The following VAC14 variants were observed in gnomAD, a reference collection of about 807,000 sequenced individuals.
VAC14 encodes protein VAC14 homolog.
Under a neutral mutation model 85.3 loss-of-function variants are expected in VAC14, and 47 were observed. The ratio of observed to expected loss-of-function variants is 0.55; its 90% CI spans 0.44 to 0.70. The LOEUF (loss-of-function observed/expected upper bound fraction) is 0.70, where lower values mean the gene tolerates loss of function less well. VAC14 is among the 30% of genes least tolerant of loss of function. The pLI is 0.00. For synonymous variants in VAC14, 447 were observed against 430.5 expected (o/e 1.04, Z -0.47); for missense variants, 861 against 1,004.3 (o/e 0.86, Z 1.93).
intron 12 of VAC14, among the ~76,000 whole-genome samples, chr16:70,752,725 C>A (rs538088043): frequency 9.2e-5 from 14 of 152,360 alleles, no homozygotes; most frequent in African/African-American, 3.1e-4. Context: ...ACCCCATAGG[C>A]CTCGCTTCCA....
intron 14 of VAC14, among the ~76,000 whole-genome samples, chr16:70,729,465 C>G (rs1486152929): frequency 6.6e-6 from 1 of 152,174 alleles, no homozygotes; most frequent in East Asian, 1.9e-4. Context: ...CTCAACTCCA[C>G]CTCAGCTCCT....
intron 12 of VAC14, among the ~76,000 whole-genome samples, chr16:70,749,599 T>C (rs535569470): frequency 1.4e-4 from 21 of 152,270 alleles, no homozygotes; most frequent in African/African-American, 5.1e-4. Context: ...CTCCAGCACT[T>C]TAAATAAAGC....
chr16:70,781,761 G>T, intron 8 of VAC14, 108 bp downstream of exon 8: 1 of 1,444,990 alleles, frequency 6.9e-7, no homozygotes, highest in Non-Finnish European at 9.4e-7. Flanking sequence ...AGGGACTATG[G>T]AAGTGTGATG....
At chr16:70,752,513 G>A (rs1281211225) in intron 12 of VAC14, among the ~76,000 whole-genome samples, 2 of 152,240 alleles carry the variant, frequency 1.3e-5, no homozygotes, top group African/African-American at 2.4e-5. Context: ...TCCATGAGCT[G>A]GGCAGGGAAC....
intron 1 of VAC14, among the ~76,000 whole-genome samples, chr16:70,798,995 T>C (rs1162535182): frequency 6.6e-6 from 1 of 152,208 alleles, no homozygotes; most frequent in Non-Finnish European, 1.5e-5. Flanking sequence ...TCAAGGGCAA[T>C]GTCCAATACA....
At chr16:70,747,575 C>G (rs1332023705) in intron 12 of VAC14, 1 of 152,108 alleles carries the variant, frequency 6.6e-6, no homozygotes, top group Admixed American at 6.5e-5. Context: ...GCCCACAGCC[C>G]GAGGTGGTGG....
intron 14 of VAC14, chr16:70,715,335 A>G (rs1353690805): frequency 6.6e-6 from 1 of 152,336 alleles, no homozygotes; most frequent in Non-Finnish European, 1.5e-5. Flanking sequence ...TGTTTCACCA[A>G]GGATCACCAC....
At position 70,738,366 on chromosome 16, in the gene VAC14, G is replaced by A. The variant is rs1204619698; in HGVS notation, c.1528+6057C>T. ...CGGCCTGGGTCGGCAGGACAGGAGC[G>A]CCGGAGGCATCAATCATAGCCAGGA... On this transcript the variant is annotated intron_variant, in intron 13 of 18. Coordinates refer to ENST00000261776, the MANE Select transcript of VAC14 (RefSeq NM_018052.5). Among the ~76,000 whole-genome samples the A allele has an allele frequency of 1.2e-4, 19 of 152,318 alleles. No homozygotes were observed. In the East Asian group the frequency reaches 1.9e-3, roughly 15 times the overall value.
At chr16:70,740,851 T>C (rs2030212417) in intron 13 of VAC14, among the ~76,000 whole-genome samples, 2 of 152,156 alleles carry the variant, frequency 1.3e-5, no homozygotes, top group Non-Finnish European at 2.9e-5. Flanking sequence ...GGGAGAGATG[T>C]TTATGCAAGG....
intron 14 of VAC14, among the ~76,000 whole-genome samples, chr16:70,725,052 A>T (rs1207192354): frequency 6.6e-6 from 1 of 152,260 alleles, no homozygotes; most frequent in Non-Finnish European, 1.5e-5. Context: ...GGGGCCGCCT[A>T]GAAGCTCTAG....
chr16:70,702,439 C>G (rs1418564052), intron 14 of VAC14, among the ~76,000 whole-genome samples: 1 of 152,144 alleles, frequency 6.6e-6, no homozygotes, highest in Non-Finnish European at 1.5e-5. Context: ...GAGAGCAGTG[C>G]TGAGGCCATG....
chr16:70,727,610 T>G (rs1037297277), intron 14 of VAC14, among the ~76,000 whole-genome samples: 1 of 152,320 alleles, frequency 6.6e-6, no homozygotes, highest in Admixed American at 6.5e-5. Flanking sequence ...AGTGCTGGGA[T>G]TACAGGCATG....
At chr16:70,800,061 T>G (rs1351610256) in intron 1 of VAC14, among the ~76,000 whole-genome samples, 1 of 152,062 alleles carries the variant, frequency 6.6e-6, no homozygotes, top group Non-Finnish European at 1.5e-5. Context: ...CTGAAATCAC[T>G]CACTCACTTG....
At chr16:70,786,115 C>T in intron 2 of VAC14, 100 bp downstream of exon 2, 1 of 1,523,898 alleles carries the variant, frequency 6.6e-7, no homozygotes, top group Non-Finnish European at 8.8e-7. Flanking sequence ...AAACATAGGT[C>T]TGCAATGCCC....
chr16:70,781,501 T>G (rs1020916872), intron 8 of VAC14, among the ~76,000 whole-genome samples: 3 of 152,154 alleles, frequency 2.0e-5, no homozygotes, highest in African/African-American at 7.2e-5. Context: ...CTGCTCTCCT[T>G]GTCATACTGG....
intron 13 of VAC14, among the ~76,000 whole-genome samples, chr16:70,739,555 G>C (rs994665884): frequency 1.1e-4 from 16 of 152,186 alleles, no homozygotes; most frequent in Admixed American, 9.2e-4. Context: ...ATTCCTGAGT[G>C]GGGTGAGGAG....
chr16:70,720,426 T>C (rs1223617802), intron 14 of VAC14, among the ~76,000 whole-genome samples: 1 of 152,008 alleles, frequency 6.6e-6, no homozygotes, highest in Non-Finnish European at 1.5e-5. Flanking sequence ...AGAAGACACA[T>C]CTGGGGTGCT....
chr16:70,784,104 A>G lies in VAC14; in HGVS notation c.594+9T>C. 6.2e-7 allele frequency: 1 copy of G among 1,612,376 alleles called. No individual in the cohort carries two copies. On this transcript the variant is annotated intron_variant, in intron 5 of 18. Transcript: ENST00000261776. ...GAGGCTGGAGAAACGGTGTCCGGCC[A>G]GGCCTTACCCAGGAGATGATGAACT...
chr16:70,707,313 G>C lies in VAC14; in HGVS notation c.1662-8502C>G, dbSNP rs184137309. Among the ~76,000 whole-genome samples, 467 of 152,374 alleles carry C rather than the reference G, an allele frequency of 3.1e-3. 3 individuals carry two copies. Among genetic ancestry groups the C allele is most frequent in the Non-Finnish European group, 3.2e-3 (220 of 68,042 alleles). ...CATCGTTGTTTAATGCAGTCGATGT[G>C]TCTGGTACACTTAAAAGTTTCTTGC... is the stretch of plus-strand genomic sequence containing the variant. On this transcript the variant is annotated intron_variant, in intron 14 of 18. Transcript: ENST00000261776.
Sources: gnomAD v4.1 joint callset for allele counts (sites outside exome capture counted in the v4.1 genomes callset) on GRCh38, gnomAD v4.1.1 for gene constraint, MANE v1.5 for transcripts, NCBI Gene and HGNC (gene_info 2026-07-23, HGNC 2026-07-21) for gene names.